Variants in NUP188 observed in about 807,000 individuals in gnomAD.
The protein encoded by NUP188 is nucleoporin NUP188.
NUP188 carries 97 observed loss-of-function variants against 223.0 expected under a neutral mutation model. That is an observed-to-expected ratio of 0.43 (90% CI 0.37 to 0.51). The LOEUF (loss-of-function observed/expected upper bound fraction) is 0.51. NUP188 is among the 20% of genes least tolerant of loss of function. NUP188 has a pLI of 0.00. For missense variants in NUP188, 1,947 were observed against 2,175.6 expected, an observed-to-expected ratio of 0.89 and a Z score of 2.09; for synonymous variants, 869 against 828.0, an observed-to-expected ratio of 1.05 and a Z score of -0.85.
intron 1 of NUP188, chr9:128,948,462 T>A (rs1841723785): frequency 6.6e-6 from 1 of 152,138 alleles, no homozygotes; most frequent in Non-Finnish European, 1.5e-5. Context: ...GTTATCTCAT[T>A]CAATTCTCGC....
chr9:129,006,905 G>C lies in NUP188; in HGVS notation c.*227G>C, dbSNP rs1257554384. On this transcript the variant is annotated 3_prime_UTR_variant, in exon 44 of 44. Transcript: ENST00000372577. The stretch of plus-strand genomic sequence containing the variant: ...GAGTCTTCTGTGCTCAGGTCCTCAC[G>C]CTGCAGACGCCCCCTAGAGGAACTT... 1 of 430,304 alleles carries C rather than the reference G, an allele frequency of 2.3e-6. No individual in the cohort carries two copies. Among genetic ancestry groups the C allele is most frequent in the South Asian group, 5.5e-5 (1 of 18,124 alleles). 26.7% of individuals were successfully genotyped at this position (430,304 alleles called of 1,614,324 possible).
chr9:128,987,636 C>T lies in NUP188; in HGVS notation c.2312C>T (p.Thr771Ile), dbSNP rs1842356567. Reference sequence around the variant, plus strand: ...CTCTGCATCTGCAGCCTGGCATACACAGAAGCAGGACAGACAGTTATCAAT... The same window carrying T: ...CTCTGCATCTGCAGCCTGGCATACATAGAAGCAGGACAGACAGTTATCAAT... The part of the protein sequence containing the change: ...QFLCICSLAY[T>I]EAGQTVINIM... Residue 771 changes from threonine to isoleucine, a missense_variant, in exon 23 of 44, where the codon ACA becomes ATA. Thr to Ile is a moderately conservative substitution (Grantham distance 89). Transcript: ENST00000372577. The T allele has an allele frequency of 1.2e-6, 2 of 1,613,836 alleles. No individual in the cohort carries two copies. Among genetic ancestry groups the T allele is most frequent in the African/African-American group, 2.7e-5 (2 of 74,908 alleles).
At chr9:128,962,595 G>T (rs949328339) in intron 8 of NUP188, among the ~76,000 whole-genome samples, 2 of 152,020 alleles carry the variant, frequency 1.3e-5, no homozygotes, top group Non-Finnish European at 2.9e-5. Context: ...GGGCATGGAG[G>T]TTGTGGTGAG....
intron 3 of NUP188, among the ~76,000 whole-genome samples, chr9:128,954,835 A>G (rs1014270951): frequency 6.7e-6 from 1 of 149,742 alleles, no homozygotes; most frequent in African/African-American, 2.4e-5. Flanking sequence ...TGGGAAAAAT[A>G]CACAGAGGTG....
chr9:129,005,348 C>G lies in NUP188; in HGVS notation c.4555C>G (p.Gln1519Glu). Reference sequence around the variant, plus strand: ...CCCCTCAGCTGTTGCCCAGCGAGTCCAGAGGCCACCGTCTGCTGCTTCTGC... The same window carrying G: ...CCCCTCAGCTGTTGCCCAGCGAGTCGAGAGGCCACCGTCTGCTGCTTCTGC... Reference protein sequence around the residue: ...GLPSAVAQRVQRPPSAASAAP... With the variant: ...GLPSAVAQRVERPPSAASAAP... Residue 1519 changes from glutamine (Q) to glutamate (E), a missense_variant, in exon 40 of 44, where the codon CAG becomes GAG. Gln to Glu is a conservative substitution (Grantham distance 29). Coordinates refer to ENST00000372577, the MANE Select transcript of NUP188 (RefSeq NM_015354.3). 2 of 1,614,038 alleles carry G rather than the reference C, an allele frequency of 1.2e-6. No homozygotes were observed. The highest frequency in any genetic ancestry group is 1.7e-6 in the Non-Finnish European group (2 of 1,180,030).
intron 38 of NUP188, 52 bp downstream of exon 38, chr9:129,003,506 G>C (rs775937740): frequency 1.9e-6 from 3 of 1,592,494 alleles, no homozygotes; most frequent in East Asian, 4.5e-5. Flanking sequence ...TGGAGACAGG[G>C]AGGCTGTGAG....
At chr9:128,990,303 G>A (rs1450852138) in intron 25 of NUP188, 77 bp downstream of exon 25, 2 of 1,150,826 alleles carry the variant, frequency 1.7e-6, no homozygotes, top group Non-Finnish European at 2.6e-6. Flanking sequence ...GACATGCTCA[G>A]GCCACGTGCA....
intron 11 of NUP188, 44 bp from the exon 12 acceptor site, chr9:128,973,116 G>A (rs776428303): frequency 7.9e-7 from 1 of 1,261,728 alleles, no homozygotes; most frequent in African/African-American, 1.5e-5. Context: ...CTGGGGAAGA[G>A]TTGTATTACT....
At chr9:128,951,430 G>T (rs1351778428) in intron 2 of NUP188, among the ~76,000 whole-genome samples, 1 of 151,910 alleles carries the variant, frequency 6.6e-6, no homozygotes, top group Non-Finnish European at 1.5e-5. Context: ...AGTGAGCCAT[G>T]ATTGCATCAC....
At chr9:128,991,558 AG>A (rs1317292136) in intron 25 of NUP188, among the ~76,000 whole-genome samples, 2 of 149,512 alleles carry the variant, frequency 1.3e-5, no homozygotes, top group Admixed American at 6.7e-5. Context: ...AAAGGTATTT[AG>A]GGCTGGGCGT....
chr9:128,999,460 C>A, intron 33 of NUP188, 143 bp downstream of exon 33: 1 of 1,274,678 alleles, frequency 7.8e-7, no homozygotes, highest in Non-Finnish European at 1.1e-6. Context: ...CCCAAGAAAG[C>A]TATTTTTTTC....
intron 15 of NUP188, 105 bp from the exon 16 acceptor site, chr9:128,982,444 T>G: frequency 9.4e-7 from 1 of 1,067,260 alleles, no homozygotes; most frequent in Non-Finnish European, 1.4e-6. Flanking sequence ...AAAAAATGTC[T>G]GTGAGTTTGT....
rs1220697527 is a variant in NUP188 at position 128,986,866 on chromosome 9, T to G, written c.2255T>G (p.Leu752Arg). The stretch of plus-strand genomic sequence containing the variant: ...CTGAACCTGTGCCACGAGACAGACC[T>G]GCACAGCAGGTAATGAAGGGTTGAT... Reference protein sequence around the residue: ...AILNLCHETDLHSSHTPSLQF... With the variant: ...AILNLCHETDRHSSHTPSLQF... The change falls in exon 22 of 44, where the codon CTG (leucine) becomes CGG (arginine). Residue 752 changes from leucine (L) to arginine (R), a missense_variant. Coordinates refer to ENST00000372577, the MANE Select transcript of NUP188 (RefSeq NM_015354.3). The G allele has an allele frequency of 2.5e-6, 4 of 1,614,036 alleles. No individual in the cohort carries two copies.
In NUP188 at chr9:128,997,022, T is replaced by C. The variant is rs1415394237; in HGVS notation, c.3352-1129T>C. On this transcript the variant is annotated intron_variant, in intron 30 of 43. Coordinates refer to ENST00000372577, the MANE Select transcript of NUP188 (RefSeq NM_015354.3). Reference sequence around the variant, plus strand: ...CAAATTTAGCAATAAAAAATATGGTTTCAGATAGTGATAATTTGCTGTGAA... The same window carrying C: ...CAAATTTAGCAATAAAAAATATGGTCTCAGATAGTGATAATTTGCTGTGAA... Among the ~76,000 whole-genome samples the C allele has an allele frequency of 2.0e-5, 3 of 152,154 alleles. No homozygotes were observed. The East Asian group carries it at 5.8e-4, about 29-fold the overall frequency.
chr9:128,968,348 G>A (rs1226490407), intron 8 of NUP188, among the ~76,000 whole-genome samples, 158 bp from the exon 9 acceptor site: 2 of 152,178 alleles, frequency 1.3e-5, no homozygotes, highest in Non-Finnish European at 2.9e-5. Context: ...GGCTGAGGTA[G>A]GAGGATCAGT....
At chr9:128,967,298 G>A (rs1220996243) in intron 8 of NUP188, among the ~76,000 whole-genome samples, 2 of 152,112 alleles carry the variant, frequency 1.3e-5, no homozygotes, top group Non-Finnish European at 2.9e-5. Flanking sequence ...GCTTATAGAC[G>A]TGAGCCACCC....
chr9:128,952,398 C>CA (rs939252129), intron 2 of NUP188, among the ~76,000 whole-genome samples: 799 of 60,334 alleles, frequency 0.013, 7 homozygotes, highest in African/African-American at 0.03. Context: ...GACTCCGTCT[C>CA]AAAAAAAAAA....
rs1470465755 is a variant in NUP188 at position 128,956,437 on chromosome 9, G to A, written c.246+3G>A. ...GTTTAAGAATCAGCAAGTTTTTGGT[G>A]AGTAAAAATTAGCACTCGCTCAATT... On this transcript the variant is annotated splice_donor_region_variant and intron_variant, in intron 4 of 43. Transcript: ENST00000372577. The A allele has an allele frequency of 3.2e-6, 5 of 1,542,508 alleles. No homozygotes were observed. Among genetic ancestry groups the A allele is most frequent in the Non-Finnish European group, 4.4e-6 (5 of 1,134,692 alleles).
In NUP188 at chr9:129,006,067, GC is replaced by G; in HGVS notation, c.4891del (p.Leu1631SerfsTer17). Reference sequence around the variant, plus strand: ...CTCTTCAGCTGGACAAGAAAAAGGAGCCCCTCACCCAGGCAGTGGGGCTCAG... The same window carrying G: ...CTCTTCAGCTGGACAAGAAAAAGGAGCCCTCACCCAGGCAGTGGGGCTCAG... ...MLGELDKKKE[P>X]LTQAVGLSTQ... On this transcript the variant is annotated frameshift_variant, in exon 42 of 44. Transcript: ENST00000372577. LOFTEE classifies it high-confidence loss of function. 6.2e-7 allele frequency: 1 copy of G among 1,614,174 alleles called. No individual in the cohort carries two copies. Among genetic ancestry groups the G allele is most frequent in the Non-Finnish European group, 8.5e-7 (1 of 1,180,014 alleles).
Sources: allele counts gnomAD v4.1 joint callset (sites outside exome capture counted in the v4.1 genomes callset), GRCh38; gene constraint gnomAD v4.1.1; transcripts MANE v1.5; gene names NCBI Gene and HGNC (gene_info 2026-07-23, HGNC 2026-07-21).